The following SLC8B1 variants were observed in gnomAD, a reference collection of about 807,000 sequenced individuals.
SLC8B1 encodes solute carrier family 8 member B1.
Under a neutral mutation model 63.4 loss-of-function variants are expected in SLC8B1, and 52 were observed. The observed-to-expected ratio is 0.82, with a 90% CI of 0.66 to 1.03. The LOEUF is 1.03. Among genes scored for constraint, SLC8B1 ranks in the 50% least tolerant of loss-of-function variants. The pLI is 0.00. For synonymous variants in SLC8B1, 336 were observed against 323.9 expected, an observed-to-expected ratio of 1.04 and a Z score of -0.40; for missense variants, 657 against 741.7, an observed-to-expected ratio of 0.89 and a Z score of 1.33.
chr12:113,315,371 G>A lies in SLC8B1; in HGVS notation c.1099C>T (p.Pro367Ser), dbSNP rs763829480. 72 of 1,558,246 alleles carry A rather than the reference G, an allele frequency of 4.6e-5. No individual in the cohort carries two copies. The highest frequency in any genetic ancestry group is 3.3e-4 in the Middle Eastern group (2 of 5,996). ...TGCAGGGTCAGGACCACAACCAGGG[G>A]GCTGATAACCAGATGCAGACAGTTG... is the stretch of plus-strand genomic sequence containing the variant. ...PLNCLHLVIS[P>S]LVVVLTLQSG... The change falls in exon 11 of 16, where the codon CCC becomes TCC. Residue 367 changes from proline to serine, a missense_variant. Coordinates refer to ENST00000680972, the MANE Select transcript of SLC8B1 (RefSeq NM_001358345.2).
At chr12:113,315,307 G>A (rs552472554) in intron 11 of SLC8B1, 28 bp downstream of exon 11, 34 of 1,493,300 alleles carry the variant, frequency 2.3e-5, no homozygotes, top group African/African-American at 4.2e-5. Context: ...GTAGGAAGGT[G>A]GGTTGGCCCG....
chr12:113,306,573 C>T lies in SLC8B1; in HGVS notation c.1414G>A (p.Ala472Thr), dbSNP rs1462790170. The T allele has an allele frequency of 9.9e-6, 16 of 1,613,930 alleles. No homozygotes were observed. The highest frequency in any genetic ancestry group is 1.7e-5 in the Admixed American group (1 of 60,022). The change falls in exon 14 of 16, where the codon GCC (alanine) becomes ACC (threonine). Residue 472 changes from alanine to threonine, a missense_variant and splice_region_variant. Ala to Thr is a moderately conservative substitution (Grantham distance 58). Coordinates refer to ENST00000680972, the MANE Select transcript of SLC8B1 (RefSeq NM_001358345.2). ...LLAWGNSIGD[A>T]FSDFTLARQG... ...CGAGCCAGTGTGAAATCCGAGAAGG[C>T]ATCTGCACAGGAACAAGAGGGGCCT...
chr12:113,308,101 C>G, intron 12 of SLC8B1: 1 of 353,456 alleles, frequency 2.8e-6, no homozygotes. Flanking sequence ...AATCGCAGCA[C>G]TTTGGGAGGC....
chr12:113,319,614 T>C (rs1956891774), intron 7 of SLC8B1, among the ~76,000 whole-genome samples: 1 of 152,134 alleles, frequency 6.6e-6, no homozygotes, highest in African/African-American at 2.4e-5. Context: ...CTCCCATTGT[T>C]GCTGGCCCCT....
At chr12:113,314,444 G>A (rs1056383628) in intron 11 of SLC8B1, among the ~76,000 whole-genome samples, 3 of 152,258 alleles carry the variant, frequency 2.0e-5, no homozygotes, top group Non-Finnish European at 4.4e-5. Flanking sequence ...GACAGCATGA[G>A]ATACTAAAGT....
At chr12:113,312,667 C>T (rs1053687816) in intron 11 of SLC8B1, among the ~76,000 whole-genome samples, 1 of 152,126 alleles carries the variant, frequency 6.6e-6, no homozygotes, top group African/African-American at 2.4e-5. Flanking sequence ...ACCAGTCTTT[C>T]CCCAGGGTGG....
chr12:113,314,099 G>A (rs1225955504), intron 11 of SLC8B1, among the ~76,000 whole-genome samples: 2 of 152,244 alleles, frequency 1.3e-5, no homozygotes, highest in African/African-American at 4.8e-5. Flanking sequence ...TGGCCTGAAA[G>A]GCAAGGCTTC....
intron 10 of SLC8B1, 43 bp downstream of exon 10, chr12:113,316,480 TTGC>T: frequency 6.2e-7 from 1 of 1,601,864 alleles, no homozygotes; most frequent in Non-Finnish European, 8.5e-7. Context: ...GGCCACTGTC[TTGC>T]TGCTGTCAGA....
In SLC8B1 at chr12:113,321,354, G is replaced by T; in HGVS notation, c.157-6C>A. The T allele has an allele frequency of 1.2e-6, 2 of 1,614,152 alleles. No homozygotes were observed. Among genetic ancestry groups the T allele is most frequent in the East Asian group, 4.5e-5 (2 of 44,884 alleles). On this transcript the variant is annotated splice_polypyrimidine_tract_variant and splice_region_variant and intron_variant, in intron 2 of 15. Transcript: ENST00000680972. The stretch of plus-strand genomic sequence containing the variant: ...AGGCCACACACCTTGCGGCACTGCA[G>T]GAAGACAGGGAGGGGGACATCAGCG...
intron 10 of SLC8B1, among the ~76,000 whole-genome samples, chr12:113,316,216 ACT>A (rs1306765584): frequency 6.7e-6 from 1 of 149,668 alleles, no homozygotes; most frequent in Admixed American, 6.7e-5. Context: ...ATAGAGCGAA[ACT>A]CTGTCTCAAA....
chr12:113,324,857 C>A (rs1003100481), intron 2 of SLC8B1, among the ~76,000 whole-genome samples: 2 of 151,942 alleles, frequency 1.3e-5, no homozygotes, highest in African/African-American at 4.8e-5. Context: ...GCACACAACA[C>A]CACACCTGGC....
At chr12:113,316,888 C>G in intron 9 of SLC8B1, 54 bp downstream of exon 9, 1 of 1,588,052 alleles carries the variant, frequency 6.3e-7, no homozygotes, top group Non-Finnish European at 8.6e-7. Context: ...ATCTTTCCAC[C>G]CCCAGCCTTT....
intron 1 of SLC8B1, among the ~76,000 whole-genome samples, chr12:113,333,303 G>A (rs1957082176): frequency 6.6e-6 from 1 of 152,186 alleles, no homozygotes; most frequent in Admixed American, 6.5e-5. Context: ...AGATACATGT[G>A]GGAAGTGGGC....
intron 2 of SLC8B1, among the ~76,000 whole-genome samples, chr12:113,327,780 C>T (rs1181527258): frequency 1.3e-5 from 2 of 150,540 alleles, no homozygotes; most frequent in Non-Finnish European, 3.0e-5. Context: ...GTCAGGAGTT[C>T]GAGCCCAGCC....
chr12:113,307,110 C>CAAAAAA lies in SLC8B1; in HGVS notation c.1412-541_1412-536dup, dbSNP rs67032040. Among the ~76,000 whole-genome samples, 56 of 18,208 alleles carry CAAAAAA rather than the reference C, an allele frequency of 3.1e-3. 18 individuals carry two copies. Among genetic ancestry groups the CAAAAAA allele is most frequent in the East Asian group, 5.5e-3 (2 of 364 alleles). The allele number at this position is 18,208 out of a possible 152,430, so 11.9% of individuals were successfully genotyped here. ...TGGGCGACAGAGCAAGCCTCCATCT[C>CAAAAAA]AAAAAAAAAAAAAAAAAAAAAAAAA... On this transcript the variant is annotated intron_variant, in intron 13 of 15. Coordinates refer to ENST00000680972, the MANE Select transcript of SLC8B1 (RefSeq NM_001358345.2).
intron 11 of SLC8B1, among the ~76,000 whole-genome samples, chr12:113,313,076 T>C (rs1956785053): frequency 6.6e-6 from 1 of 152,102 alleles, no homozygotes; most frequent in Non-Finnish European, 1.5e-5. Flanking sequence ...TGGCTAGTTT[T>C]TGTATTTTTA....
chr12:113,321,298 C>G lies in SLC8B1; in HGVS notation c.207G>C (p.Arg69=). 6.2e-7 allele frequency: 1 copy of G among 1,614,096 alleles called. No individual in the cohort carries two copies. Among genetic ancestry groups the G allele is most frequent in the Non-Finnish European group, 8.5e-7 (1 of 1,180,012 alleles). ...CATCACTGTGGCAGTCAGGGTTGGT[C>G]CGGATGAAGTCACAGCGGTCAGAGA... ...LNVSDRCDFI[R]TNPDCHSDGG... Residue 69 remains arginine, a synonymous_variant, in exon 3 of 16, where the codon CGG becomes CGC. Coordinates refer to ENST00000680972, the MANE Select transcript of SLC8B1 (RefSeq NM_001358345.2).
Position 113,310,275 on chromosome 12 carries a change from A to G in SLC8B1, c.1216T>C (p.Phe406Leu). 1.9e-6 allele frequency: 3 copies of G among 1,614,048 alleles called. No individual in the cohort carries two copies. Among genetic ancestry groups the G allele is most frequent in the Non-Finnish European group, 1.7e-6 (2 of 1,179,976 alleles). ...GGCTGGCTGTCAGATGTGGCAAAAA[A>G]GGTCACTGAAGCCAAGGCTGTGCCT... Reference protein sequence around the residue: ...IAGTALASVTFFATSDSQPPR... With the variant: ...IAGTALASVTLFATSDSQPPR... Residue 406 changes from phenylalanine (F) to leucine (L), a missense_variant, in exon 12 of 16, where the codon TTT becomes CTT. Physicochemically the swap from Phe to Leu is conservative, Grantham distance 22. Transcript: ENST00000680972.
chr12:113,314,789 C>G (rs1188663409), intron 11 of SLC8B1, among the ~76,000 whole-genome samples: 1 of 152,206 alleles, frequency 6.6e-6, no homozygotes, highest in African/African-American at 2.4e-5. Flanking sequence ...TGCAGGCAAA[C>G]AAGCTAGAGG....
Sources: allele counts gnomAD v4.1 joint callset (sites outside exome capture counted in the v4.1 genomes callset), GRCh38; gene constraint gnomAD v4.1.1; transcripts MANE v1.5; gene names NCBI Gene and HGNC (gene_info 2026-07-23, HGNC 2026-07-21).